Variants in MALRD1 observed in about 807,000 individuals in gnomAD.
The protein encoded by MALRD1 is MAM and LDL-receptor class A domain-containing protein 1.
A neutral mutation model predicts 242.1 loss-of-function variants in MALRD1; 247 were observed. The observed-to-expected ratio is 1.02, with a 90% CI of 0.92 to 1.13. The LOEUF (loss-of-function observed/expected upper bound fraction) is 1.13, where lower values mean the gene tolerates loss of function less well. Ranked by LOEUF, MALRD1 falls within the 50% of genes most tolerant of loss-of-function variation. The pLI is 0.00. For synonymous variants in MALRD1, 995 were observed against 866.6 expected (o/e 1.15, Z -2.60); for missense variants, 2,989 against 2,533.1 (o/e 1.18, Z -3.86).
At position 19,487,470 on chromosome 10, in the gene MALRD1, T is replaced by C. The variant is rs554510790; in HGVS notation, c.5030-4047T>C. Among the ~76,000 whole-genome samples the C allele has an allele frequency of 1.5e-3, 228 of 152,008 alleles. 1 individual carries two copies. Among genetic ancestry groups the C allele is most frequent in the African/African-American group, 5.4e-3 (224 of 41,542 alleles). ...TTCTCTTCATGGCTTTGCTATTCTA[T>C]ATTTTGAAAGAAAATAACCCTTATT... On this transcript the variant is annotated intron_variant, in intron 29 of 39. Coordinates refer to ENST00000454679, the MANE Select transcript of MALRD1 (RefSeq NM_001142308.3).
intron 4 of MALRD1, among the ~76,000 whole-genome samples, chr10:19,097,211 A>C (rs151260084): frequency 6.6e-6 from 1 of 152,312 alleles, no homozygotes; most frequent in Non-Finnish European, 1.5e-5. Context: ...TAGAGAGTTA[A>C]ATAACCTACT....
At position 19,584,688 on chromosome 10, in the gene MALRD1, A is replaced by C. The variant is rs751677261; in HGVS notation, c.5681-10506A>C. On this transcript the variant is annotated intron_variant, in intron 33 of 39. Coordinates refer to ENST00000454679, the MANE Select transcript of MALRD1 (RefSeq NM_001142308.3). The stretch of plus-strand genomic sequence containing the variant: ...AATAGGTGTGGTGTGGTGCTGAAAA[A>C]AATGTATATTCTGTTGATTTGGGGT... Among the ~76,000 whole-genome samples the C allele has an allele frequency of 2.1e-3, 312 of 151,808 alleles. 2 individuals are homozygous for C. Among genetic ancestry groups the C allele is most frequent in the Non-Finnish European group, 3.3e-3 (224 of 67,804 alleles).
chr10:19,714,778 T>G (rs2131884276), intron 38 of MALRD1, among the ~76,000 whole-genome samples: 1 of 152,226 alleles, frequency 6.6e-6, no homozygotes, highest in South Asian at 2.1e-4. Context: ...ATCGCATCTT[T>G]TATTTAGGCA....
At chr10:19,284,387 G>T (rs1182615536) in intron 21 of MALRD1, among the ~76,000 whole-genome samples, 1 of 143,926 alleles carries the variant, frequency 6.9e-6, no homozygotes, top group Non-Finnish European at 1.5e-5. Context: ...ATCTCCCAAT[G>T]CTATCCCTCC....
At chr10:19,214,144 C>A (rs555633277) in intron 18 of MALRD1, among the ~76,000 whole-genome samples, 1 of 152,294 alleles carries the variant, frequency 6.6e-6, no homozygotes, top group Admixed American at 6.5e-5. Context: ...TCTTTCTGTG[C>A]AGCTCCTTCT....
At chr10:19,182,900 T>C (rs1180608579) in intron 14 of MALRD1, among the ~76,000 whole-genome samples, 3 of 152,178 alleles carry the variant, frequency 2.0e-5, no homozygotes, top group Non-Finnish European at 4.4e-5. Context: ...ACTTTCTCCT[T>C]AGTAATTATT....
At chr10:19,649,576 AGTT>A (rs1840780996) in intron 36 of MALRD1, among the ~76,000 whole-genome samples, 1 of 151,690 alleles carries the variant, frequency 6.6e-6, no homozygotes, top group Non-Finnish European at 1.5e-5. Flanking sequence ...TTTTTAATGG[AGTT>A]GTTTTTCTCT....
chr10:19,238,607 GT>G (rs1838608114), intron 18 of MALRD1, among the ~76,000 whole-genome samples: 3 of 78,704 alleles, frequency 3.8e-5, no homozygotes, highest in Non-Finnish European at 8.4e-5. Context: ...TCACTTGTTT[GT>G]TTTTAGACAC....
intron 26 of MALRD1, among the ~76,000 whole-genome samples, chr10:19,358,734 G>A (rs1309144743): frequency 6.6e-6 from 1 of 152,108 alleles, no homozygotes; most frequent in Non-Finnish European, 1.5e-5. Context: ...GAATACAGTC[G>A]GTGTTGTGTG....
At chr10:19,685,930 A>C (rs1293030985) in intron 36 of MALRD1, among the ~76,000 whole-genome samples, 2 of 152,178 alleles carry the variant, frequency 1.3e-5, no homozygotes, top group African/African-American at 2.4e-5. Flanking sequence ...CAATTACAGC[A>C]AGAAAAATGG....
At chr10:19,431,069 T>C (rs1394642057) in intron 28 of MALRD1, among the ~76,000 whole-genome samples, 1 of 152,214 alleles carries the variant, frequency 6.6e-6, no homozygotes, top group Non-Finnish European at 1.5e-5. Flanking sequence ...TAGATAAATG[T>C]GTGCCATGGT....
rs1230730939 is a variant in MALRD1 at position 19,719,171 on chromosome 10, C to CATATATATATATAT, written c.6315-11532_6315-11531insTATATATATATATA. ...TGTCCAAATTATATATATATATATA[C>CATATATATATATAT]ATACATATATATATATATACATACA... On this transcript the variant is annotated intron_variant, in intron 38 of 39. Coordinates refer to ENST00000454679, the MANE Select transcript of MALRD1 (RefSeq NM_001142308.3). Among the ~76,000 whole-genome samples the CATATATATATATAT allele has an allele frequency of 8.6e-5, 6 of 69,594 alleles. 1 individual carries two copies. Among genetic ancestry groups the CATATATATATATAT allele is most frequent in the East Asian group, 4.5e-4 (1 of 2,208 alleles). The allele number at this position is 69,594 out of a possible 152,430, so 45.7% of individuals were successfully genotyped here. A position where few individuals can be genotyped will look rare whatever the true frequency, so the allele number is the denominator to read the frequency against.
chr10:19,380,120 A>T (rs1031582438), intron 26 of MALRD1, among the ~76,000 whole-genome samples: 1 of 151,182 alleles, frequency 6.6e-6, no homozygotes, highest in Admixed American at 6.6e-5. Context: ...GATTACAGAC[A>T]TGCACCACCA....
At chr10:19,158,048 G>C (rs1834241106) in intron 12 of MALRD1, among the ~76,000 whole-genome samples, 3 of 152,116 alleles carry the variant, frequency 2.0e-5, no homozygotes, top group Non-Finnish European at 4.4e-5. Flanking sequence ...ATTTTTCTTT[G>C]AAATACAAGA....
At position 19,615,865 on chromosome 10, in the gene MALRD1, T is replaced by A. The variant is rs564453460; in HGVS notation, c.6079T>A (p.Leu2027Ile). ...GTGATGCTTCTTTTTAGAATGTCCA[T>A]TAAATTACTGCAGAAATGGTGGGAC... is the stretch of plus-strand genomic sequence containing the variant. ...LDESSCSECP[L>I]NYCRNGGTCV... Residue 2027 changes from leucine to isoleucine, a missense_variant, in exon 36 of 40, where the codon TTA (leucine) becomes ATA (isoleucine). Leu to Ile is a conservative substitution (Grantham distance 5, BLOSUM62 2). Coordinates refer to ENST00000454679, the MANE Select transcript of MALRD1 (RefSeq NM_001142308.3). 2.0e-5 allele frequency: 30 copies of A among 1,530,096 alleles called. No individual in the cohort carries two copies. Among genetic ancestry groups the A allele is most frequent in the Non-Finnish European group, 2.5e-5 (29 of 1,143,208 alleles). 94.8% of individuals were successfully genotyped at this position (1,530,096 alleles called of 1,614,324 possible). A position where few individuals can be genotyped will look rare whatever the true frequency, so the allele number is the denominator to read the frequency against.
intron 30 of MALRD1, among the ~76,000 whole-genome samples, chr10:19,494,767 T>C (rs1404740686): frequency 2.6e-5 from 4 of 152,088 alleles, no homozygotes; most frequent in Admixed American, 2.0e-4. Flanking sequence ...CTCAGAAATA[T>C]GGGATTATGT....
chr10:19,086,158 C>A (rs2131292528), intron 2 of MALRD1, among the ~76,000 whole-genome samples: 1 of 152,118 alleles, frequency 6.6e-6, no homozygotes, highest in Admixed American at 6.6e-5. Flanking sequence ...TGACTATATT[C>A]ATAAGCAATC....
chr10:19,399,573 A>G (rs993527992), intron 28 of MALRD1, among the ~76,000 whole-genome samples: 1 of 152,166 alleles, frequency 6.6e-6, no homozygotes, highest in Non-Finnish European at 1.5e-5. Context: ...TACCAATTAC[A>G]GATTACAGAG....
chr10:19,275,675 TA>T (rs1840482599), intron 19 of MALRD1, among the ~76,000 whole-genome samples: 1 of 151,508 alleles, frequency 6.6e-6, no homozygotes, highest in African/African-American at 2.4e-5. Flanking sequence ...TCTCAAAAAA[TA>T]AAAATAAAAA....
Sources: allele counts gnomAD v4.1 joint callset (sites outside exome capture counted in the v4.1 genomes callset), GRCh38; gene constraint gnomAD v4.1.1; transcripts MANE v1.5; gene names NCBI Gene and HGNC (gene_info 2026-07-23, HGNC 2026-07-21).